Variants in ACBD6 observed in about 807,000 individuals in gnomAD.
ACBD6 encodes the protein acyl-CoA-binding domain-containing protein 6.
Under a neutral mutation model 37.2 loss-of-function variants are expected in ACBD6, and 28 were observed. The observed-to-expected ratio is 0.75, with a 90% confidence interval of 0.56 to 1.03. The LOEUF (loss-of-function observed/expected upper bound fraction) is 1.03. Ranked by LOEUF, ACBD6 falls within the 50% of genes least tolerant of loss-of-function variation. The pLI, the probability that ACBD6 is intolerant of heterozygous loss-of-function variation, is 0.00. For synonymous variants in ACBD6, 113 were observed against 126.8 expected, an observed-to-expected ratio of 0.89 and a Z score of 0.73; for missense variants, 340 against 337.4, an observed-to-expected ratio of 1.01 and a Z score of -0.06.
In ACBD6 at chr1:180,493,803, T is replaced by C. The variant is rs187490025; in HGVS notation, c.288-1438A>G. On this transcript the variant is annotated intron_variant, in intron 2 of 7. Coordinates refer to ENST00000367595, the MANE Select transcript of ACBD6 (RefSeq NM_032360.4). ...GCATTGAGTTTCATGTATCTTCAGC[T>C]TTTTTGTCTTCCACATTGTTGGTAT... is the stretch of plus-strand genomic sequence containing the variant. Among the ~76,000 whole-genome samples the C allele has an allele frequency of 2.9e-3, 436 of 152,348 alleles. 2 individuals are homozygous for C. The highest frequency in any genetic ancestry group is 6.8e-3 in the Middle Eastern group (2 of 294).
chr1:180,448,684 T>G (rs535400176), intron 3 of ACBD6, among the ~76,000 whole-genome samples: 1 of 152,184 alleles, frequency 6.6e-6, no homozygotes, highest in Non-Finnish European at 1.5e-5. Context: ...TGAATTGAAG[T>G]GCATAAAAAC....
chr1:180,329,018 A>T (rs1044016703), intron 6 of ACBD6, among the ~76,000 whole-genome samples: 1 of 152,194 alleles, frequency 6.6e-6, no homozygotes, highest in Non-Finnish European at 1.5e-5. Flanking sequence ...AGCATCCAAA[A>T]ATTAAAAACA....
rs538866206 is a variant in ACBD6 at position 180,279,499 on chromosome 1, C to T, written c.*174+1807G>A. On this transcript the variant is annotated intron_variant, in intron 9 of 13. Transcript: ENST00000642319. ...TTTTAGTAGAGACGGGGTTTTGCCA[C>T]GTTGGCCAGGCTGGTCTCGAACTCC... Among the ~76,000 whole-genome samples the T allele has an allele frequency of 5.3e-5, 8 of 152,124 alleles. 1 individual carries two copies. In the South Asian group the frequency reaches 1.5e-3, roughly 28 times the overall value.
chr1:180,340,052 T>C (rs1651918259), intron 6 of ACBD6, among the ~76,000 whole-genome samples: 1 of 152,148 alleles, frequency 6.6e-6, no homozygotes. Context: ...GAAATGGTTA[T>C]GTACCCAGCA....
chr1:180,455,818 A>G (rs1347967280), intron 3 of ACBD6, among the ~76,000 whole-genome samples: 1 of 152,198 alleles, frequency 6.6e-6, no homozygotes, highest in Non-Finnish European at 1.5e-5. Context: ...CATTTTTTGA[A>G]CTGTGGCCAA....
chr1:180,476,702 T>C (rs913615381), intron 3 of ACBD6, among the ~76,000 whole-genome samples: 2 of 152,114 alleles, frequency 1.3e-5, no homozygotes, highest in Non-Finnish European at 2.9e-5. Flanking sequence ...GGCGGGCACC[T>C]GTAATCCCAG....
chr1:180,286,385 A>G (rs765368229), downstream of ACBD6, among the ~76,000 whole-genome samples: 1 of 152,242 alleles, frequency 6.6e-6, no homozygotes, highest in East Asian at 1.9e-4. Context: ...TCGAACTGCT[A>G]AAGAGATGAA....
chr1:180,477,545 A>G (rs185255067), intron 3 of ACBD6, among the ~76,000 whole-genome samples: 559 of 152,290 alleles, frequency 3.7e-3, no homozygotes, highest in Non-Finnish European at 5.3e-3. Flanking sequence ...GTAACAAAAC[A>G]TGTCATAATA....
At chr1:180,350,395 G>C (rs1164444908) in intron 6 of ACBD6, among the ~76,000 whole-genome samples, 1 of 134,760 alleles carries the variant, frequency 7.4e-6, no homozygotes, top group Non-Finnish European at 1.6e-5. Context: ...CCTAGTTCAG[G>C]TATTTGAGAA....
chr1:180,350,173 A>T (rs1168812943), intron 6 of ACBD6, among the ~76,000 whole-genome samples: 3 of 152,014 alleles, frequency 2.0e-5, no homozygotes, highest in Admixed American at 2.0e-4. Context: ...CTATAAATGC[A>T]GGCCATTATG....
intron 3 of ACBD6, among the ~76,000 whole-genome samples, chr1:180,477,554 TAG>T (rs1557887014): frequency 6.6e-6 from 1 of 151,930 alleles, no homozygotes; most frequent in African/African-American, 2.4e-5. Context: ...CATGTCATAA[TAG>T]AGTTTATCAT....
At chr1:180,398,502 A>C (rs940464543) in intron 5 of ACBD6, among the ~76,000 whole-genome samples, 3 of 152,338 alleles carry the variant, frequency 2.0e-5, no homozygotes, top group Middle Eastern at 6.8e-3. Context: ...ACACTAGTAC[A>C]ATCTATCAGT....
At chr1:180,301,610 T>C (rs1384595705) in intron 7 of ACBD6, among the ~76,000 whole-genome samples, 1 of 152,198 alleles carries the variant, frequency 6.6e-6, no homozygotes, top group Non-Finnish European at 1.5e-5. Flanking sequence ...ACTTAACTTT[T>C]TCTTGTAATG....
chr1:180,350,069 A>G (rs1652352108), intron 6 of ACBD6, among the ~76,000 whole-genome samples: 1 of 130,386 alleles, frequency 7.7e-6, no homozygotes, highest in African/African-American at 3.1e-5. Flanking sequence ...TCTGTCGCCC[A>G]GGCTGGAGTA....
chr1:180,465,304 TAAAC>T (rs1266822259), intron 3 of ACBD6, among the ~76,000 whole-genome samples: 1 of 151,978 alleles, frequency 6.6e-6, no homozygotes, highest in African/African-American at 2.4e-5. Flanking sequence ...ATAAGGAACT[TAAAC>T]AGATCAACAA....
At chr1:180,422,211 C>CTT (rs112259081) in intron 4 of ACBD6, among the ~76,000 whole-genome samples, 27 of 144,686 alleles carry the variant, frequency 1.9e-4, no homozygotes, top group African/African-American at 6.3e-4. Flanking sequence ...TTTCTTTTTT[C>CTT]TTTTTTTTTT....
intron 6 of ACBD6, among the ~76,000 whole-genome samples, chr1:180,346,819 T>C (rs972483239): frequency 6.6e-6 from 1 of 152,066 alleles, no homozygotes; most frequent in African/African-American, 2.4e-5. Flanking sequence ...GGAGAATCAC[T>C]TGAGCTTGGG....
intron 3 of ACBD6, among the ~76,000 whole-genome samples, chr1:180,437,180 A>C (rs1649075063): frequency 6.6e-6 from 1 of 152,146 alleles, no homozygotes; most frequent in Admixed American, 6.5e-5. Flanking sequence ...CTTTATAATA[A>C]ACTGGCAAAT....
intron 6 of ACBD6, among the ~76,000 whole-genome samples, chr1:180,370,308 G>T (rs1397400052): frequency 6.6e-6 from 1 of 152,158 alleles, no homozygotes. Flanking sequence ...AGTAAAGAGG[G>T]TATGGGGAAA....
Sources: gnomAD v4.1 joint callset for allele counts (sites outside exome capture counted in the v4.1 genomes callset) on GRCh38, gnomAD v4.1.1 for gene constraint, MANE v1.5 for transcripts, NCBI Gene and HGNC (gene_info 2026-07-23, HGNC 2026-07-21) for gene names.